TRPS1: variants seen among roughly 807,000 people sequenced by gnomAD.
TRPS1 encodes zinc finger transcription factor Trps1.
Under a neutral mutation model 101.2 loss-of-function variants are expected in TRPS1, and 6 were observed. That is an observed-to-expected ratio of 0.06 (90% confidence interval 0.03 to 0.12). The LOEUF (loss-of-function observed/expected upper bound fraction) is 0.12, where lower values mean the gene tolerates loss of function less well. Among genes scored for constraint, TRPS1 ranks in the 10% least tolerant of loss-of-function variants. The probability of loss-of-function intolerance (pLI) is 1.00; values close to 1 mark genes in which losing one functional copy is unlikely to be tolerated. For synonymous variants in TRPS1, 578 were observed against 589.8 expected, an observed-to-expected ratio of 0.98 and a Z score of 0.29; for missense variants, 1,363 against 1,567.0, an observed-to-expected ratio of 0.87 and a Z score of 2.20.
At chr8:115,561,799 T>A (rs768757802) in intron 5 of TRPS1, among the ~76,000 whole-genome samples, 8 of 151,666 alleles carry the variant, frequency 5.3e-5, no homozygotes, top group Admixed American at 1.3e-4. Flanking sequence ...CCATCAAGCA[T>A]GTACTGGAAT....
intron 5 of TRPS1, among the ~76,000 whole-genome samples, chr8:115,570,250 T>C (rs1356347446): frequency 6.6e-6 from 1 of 152,158 alleles, no homozygotes; most frequent in African/African-American, 2.4e-5. Flanking sequence ...CTAAAGGTTA[T>C]TGGAAATAAT....
intron 5 of TRPS1, among the ~76,000 whole-genome samples, chr8:115,514,536 A>G (rs1197851584): frequency 6.6e-6 from 1 of 151,574 alleles, no homozygotes; most frequent in Non-Finnish European, 1.5e-5. Flanking sequence ...CCCGTAGTCT[A>G]TCCCAAGATG....
At chr8:115,637,691 C>T (rs1469585595) in intron 1 of TRPS1, among the ~76,000 whole-genome samples, 11 of 152,120 alleles carry the variant, frequency 7.2e-5, no homozygotes, top group Non-Finnish European at 1.6e-4. Flanking sequence ...TTGATATTAT[C>T]ACACCTTAGT....
chr8:115,568,189 C>T (rs1057428826), intron 5 of TRPS1, among the ~76,000 whole-genome samples: 1 of 151,800 alleles, frequency 6.6e-6, no homozygotes, highest in Non-Finnish European at 1.5e-5. Context: ...AAACCAAATG[C>T]CAGACACATT....
At chr8:115,490,490 C>G (rs1215928607) in intron 5 of TRPS1, among the ~76,000 whole-genome samples, 1 of 152,014 alleles carries the variant, frequency 6.6e-6, no homozygotes, top group South Asian at 2.1e-4. Flanking sequence ...CTTAATAGGG[C>G]TAATGAATAA....
At chr8:115,581,144 T>C (rs1297784829) in intron 5 of TRPS1, among the ~76,000 whole-genome samples, 2 of 151,594 alleles carry the variant, frequency 1.3e-5, no homozygotes, top group Non-Finnish European at 1.5e-5. Context: ...GAAATAAGCC[T>C]GGAATAGAAA....
chr8:115,418,732 C>T lies in TRPS1; in HGVS notation c.2701-280G>A, dbSNP rs1249332718. On this transcript the variant is annotated intron_variant, in intron 5 of 6. Coordinates refer to ENST00000395715, the MANE Select transcript of TRPS1 (RefSeq NM_014112.5). The surrounding 1 kb of genome is among the most constrained non-coding windows in gnomAD (Gnocchi z 4.3). ...GGTTTTATGGCTTTAATGATGGCTC[C>T]TAAATGCTGAACCCTAAAATATACC... Among the ~76,000 whole-genome samples, 1 of 152,130 alleles carries T rather than the reference C, an allele frequency of 6.6e-6. No individual in the cohort carries two copies. Among genetic ancestry groups the T allele is most frequent in the Admixed American group, 6.6e-5 (1 of 15,262 alleles).
chr8:115,662,947 T>C (rs2130632941), intron 1 of TRPS1, among the ~76,000 whole-genome samples: 1 of 152,242 alleles, frequency 6.6e-6, no homozygotes, highest in East Asian at 1.9e-4. Flanking sequence ...TATATAAACA[T>C]ATTCTTTGAC....
intron 5 of TRPS1, among the ~76,000 whole-genome samples, chr8:115,531,664 G>A (rs1816134228): frequency 1.3e-5 from 2 of 152,044 alleles, no homozygotes; most frequent in Non-Finnish European, 1.5e-5. Flanking sequence ...GGAAGCTGGG[G>A]ATGCCTTTGT....
intron 5 of TRPS1, among the ~76,000 whole-genome samples, chr8:115,462,367 T>A (rs1159026622): frequency 6.6e-6 from 1 of 152,152 alleles, no homozygotes; most frequent in East Asian, 1.9e-4. Flanking sequence ...AATGCAGTAG[T>A]TACTTGGATC....
At position 115,457,894 on chromosome 8, in the gene TRPS1, T is replaced by G. The variant is rs1032432831; in HGVS notation, c.2701-39442A>C. 5.0e-4 allele frequency among the ~76,000 whole-genome samples: 76 copies of G among 152,026 alleles called. 1 individual carries two copies. Among genetic ancestry groups the G allele is most frequent in the Non-Finnish European group, 7.6e-4 (52 of 67,978 alleles). ...TTAAGTGAGGAGAGAAATTAATGAG[T>G]TTTGAGTTGGATATTCTGTCTGTGT... On this transcript the variant is annotated intron_variant, in intron 5 of 6. Coordinates refer to ENST00000395715, the MANE Select transcript of TRPS1 (RefSeq NM_014112.5).
chr8:115,451,317 TTCTC>T (rs767723790), intron 5 of TRPS1, among the ~76,000 whole-genome samples: 3 of 152,122 alleles, frequency 2.0e-5, no homozygotes, highest in South Asian at 2.1e-4. Context: ...TCAACATTCA[TTCTC>T]TCTTTTTTTT....
intron 5 of TRPS1, among the ~76,000 whole-genome samples, chr8:115,435,998 T>TCACACACACACACA (rs4027183): frequency 4.0e-4 from 53 of 134,080 alleles, no homozygotes; most frequent in African/African-American, 6.1e-4. Context: ...AAATGAGAAA[T>TCACACACACACACA]CACACACACA....
At chr8:115,650,680 A>G (rs913929481) in intron 1 of TRPS1, among the ~76,000 whole-genome samples, 1 of 152,230 alleles carries the variant, frequency 6.6e-6, no homozygotes, top group Non-Finnish European at 1.5e-5. Flanking sequence ...CAAACATTCA[A>G]AGAAATCTCA....
rs1442984348 is a variant in TRPS1, at chr8:115,604,319, G to T, written c.1650C>A (p.Gly550=). The change falls in exon 4 of 7, where the codon GGC becomes GGA. Residue 550 remains glycine, a synonymous_variant. Transcript: ENST00000395715. The surrounding 1 kb of genome is among the most constrained non-coding windows in gnomAD (Gnocchi z 4.1). ...FCDFRYSKSH[G]PDVIVVGPLL... ...GTGGCCCCACTACAATTACATCAGG[G>T]CCATGGCTTTTGGAATATCGGAAGT... is the stretch of plus-strand genomic sequence containing the variant. 5.0e-6 allele frequency: 8 copies of T among 1,613,932 alleles called. No homozygotes were observed. In the African/African-American group the frequency reaches 8.0e-5, roughly 16 times the overall value.
At chr8:115,632,451 AG>A (rs1231452754) in intron 1 of TRPS1, among the ~76,000 whole-genome samples, 1 of 152,118 alleles carries the variant, frequency 6.6e-6, no homozygotes, top group Non-Finnish European at 1.5e-5. Context: ...ACACAAAACC[AG>A]AAGTTTAATT....
chr8:115,601,703 G>T (rs1817911324), intron 4 of TRPS1, among the ~76,000 whole-genome samples: 1 of 152,168 alleles, frequency 6.6e-6, no homozygotes, highest in Admixed American at 6.5e-5. Flanking sequence ...ACTGTCATTT[G>T]GCATGGAAGC....
At chr8:115,505,284 C>T (rs959209024) in intron 5 of TRPS1, among the ~76,000 whole-genome samples, 4 of 152,114 alleles carry the variant, frequency 2.6e-5, no homozygotes, top group African/African-American at 9.7e-5. Context: ...TCTCTGTTAA[C>T]ACAGTTTACC....
chr8:115,509,862 C>G (rs1278445306), intron 5 of TRPS1: 1 of 151,946 alleles, frequency 6.6e-6, no homozygotes, highest in Non-Finnish European at 1.5e-5. Flanking sequence ...TGCTGTCCTG[C>G]CTGCTGTAGC....
Sources: gnomAD v4.1 joint callset for allele counts (sites outside exome capture counted in the v4.1 genomes callset) on GRCh38, gnomAD v4.1.1 for gene constraint, Gnocchi (gnomAD v3.1) non-coding constraint, MANE v1.5 for transcripts, NCBI Gene and HGNC (gene_info 2026-07-23, HGNC 2026-07-21) for gene names.